The following RBFOX2 variants were observed in gnomAD, a reference collection of about 807,000 sequenced individuals.
RBFOX2 encodes RNA binding fox-1 homolog 2.
RBFOX2 carries 10 observed loss-of-function variants against 49.1 expected under a neutral mutation model. The ratio of observed to expected loss-of-function variants is 0.20; its 90% CI spans 0.13 to 0.35. The LOEUF is 0.35. Ranked by LOEUF, RBFOX2 falls within the 10% of genes least tolerant of loss-of-function variation. The probability of loss-of-function intolerance (pLI) is 1.00; values close to 1 mark genes in which losing one functional copy is unlikely to be tolerated. For missense variants in RBFOX2, 323 were observed against 486.9 expected (o/e 0.66, Z 3.17); for synonymous variants, 183 against 187.4 (o/e 0.98, Z 0.19).
upstream of RBFOX2, chr22:35,939,181 C>A (rs747311961): frequency 3.4e-6 from 2 of 588,684 alleles, no homozygotes; most frequent in Non-Finnish European, 6.4e-6. Context: ...GGTGCTACTG[C>A]GACTGGGGTC....
chr22:35,761,327 A>G, intron 7 of RBFOX2, 33 bp from the exon 9 acceptor site: 1 of 1,613,610 alleles, frequency 6.2e-7, no homozygotes, highest in Non-Finnish European at 8.5e-7. Flanking sequence ...TAAAAATGCA[A>G]GAAGATTAAA....
intron 1 of RBFOX2, chr22:35,840,094 A>G: frequency 1.4e-6 from 2 of 1,477,636 alleles, no homozygotes; most frequent in South Asian, 2.3e-5. Context: ...TAAGAAGACA[A>G]TAATGATTAA....
intron 2 of RBFOX2, among the ~76,000 whole-genome samples, chr22:35,802,305 A>G (rs540810096): frequency 3.9e-5 from 6 of 152,208 alleles, no homozygotes; most frequent in Non-Finnish European, 8.8e-5. Flanking sequence ...ATGCCATGCA[A>G]TGATTCAGGG....
intron 2 of RBFOX2, among the ~76,000 whole-genome samples, chr22:35,803,099 C>T (rs1950067767): frequency 6.6e-6 from 1 of 151,836 alleles, no homozygotes; most frequent in Non-Finnish European, 1.5e-5. Context: ...TGGCCGTATA[C>T]TGTGTGGGAG....
At chr22:35,898,175 C>A (rs2048106286) in intron 1 of RBFOX2, 2 of 748,446 alleles carry the variant, frequency 2.7e-6, no homozygotes, top group Non-Finnish European at 2.5e-6. Flanking sequence ...ACCTGTGACC[C>A]CACGCGTCCA....
At chr22:35,931,442 G>A (rs2052398507) in intron 1 of RBFOX2, among the ~76,000 whole-genome samples, 1 of 152,106 alleles carries the variant, frequency 6.6e-6, no homozygotes, top group Admixed American at 6.6e-5. Flanking sequence ...GAGCTTGGGT[G>A]GAGAGATGGA....
At chr22:35,932,964 C>CTT (rs2052602910) in intron 1 of RBFOX2, among the ~76,000 whole-genome samples, 1 of 152,130 alleles carries the variant, frequency 6.6e-6, no homozygotes, top group South Asian at 2.1e-4. Context: ...AGATAGAAAA[C>CTT]TTGACAGAAA....
chr22:36,004,542 C>T (rs949322030), intron 1 of RBFOX2, among the ~76,000 whole-genome samples: 2 of 152,058 alleles, frequency 1.3e-5, no homozygotes, highest in African/African-American at 4.8e-5. Flanking sequence ...ACGCCTATAA[C>T]CCCAGCACTT....
intron 1 of RBFOX2, among the ~76,000 whole-genome samples, chr22:35,878,883 A>G (rs1425292686): frequency 1.3e-5 from 2 of 152,072 alleles, no homozygotes; most frequent in African/African-American, 2.4e-5. Context: ...GGCGCCCGCC[A>G]CCACACCCGG....
intron 2 of RBFOX2, among the ~76,000 whole-genome samples, chr22:35,784,685 C>T (rs550988965): frequency 7.2e-5 from 11 of 152,360 alleles, no homozygotes; most frequent in Non-Finnish European, 1.5e-4. Context: ...TTAGAAGCCG[C>T]GGACCAAGTC....
chr22:35,756,356 G>C (rs551929021), intron 9 of RBFOX2, among the ~76,000 whole-genome samples: 2 of 152,210 alleles, frequency 1.3e-5, no homozygotes, highest in East Asian at 3.9e-4. Context: ...GAGAGGGAAA[G>C]GTGTGCAAAA....
At chr22:35,926,136 TAA>T (rs2051608588) in intron 1 of RBFOX2, among the ~76,000 whole-genome samples, 1 of 152,240 alleles carries the variant, frequency 6.6e-6, no homozygotes. Context: ...GGTTTCATTC[TAA>T]ATCATCTGCC....
intron 2 of RBFOX2, among the ~76,000 whole-genome samples, chr22:35,791,968 C>T (rs1050998319): frequency 2.0e-5 from 3 of 152,176 alleles, no homozygotes; most frequent in African/African-American, 7.2e-5. Context: ...TTTCTATTAA[C>T]TGCTCAAAGT....
intron 1 of RBFOX2, among the ~76,000 whole-genome samples, chr22:35,887,094 TACA>T (rs2046671164): frequency 6.6e-6 from 1 of 152,248 alleles, no homozygotes; most frequent in Non-Finnish European, 1.5e-5. Flanking sequence ...TTATATATTT[TACA>T]ACAACAAAAT....
intron 1 of RBFOX2, among the ~76,000 whole-genome samples, chr22:35,967,326 G>A (rs1375267397): frequency 6.6e-6 from 1 of 151,354 alleles, no homozygotes; most frequent in African/African-American, 2.4e-5. Flanking sequence ...TAGCACTTCA[G>A]GAGGCTGTGC....
At chr22:35,959,903 G>A (rs896555109) in intron 1 of RBFOX2, among the ~76,000 whole-genome samples, 4 of 152,122 alleles carry the variant, frequency 2.6e-5, no homozygotes, top group Admixed American at 2.0e-4. Flanking sequence ...TATAACCTAT[G>A]TATATCCTCC....
At chr22:35,954,078 T>G (rs906049551) in intron 1 of RBFOX2, among the ~76,000 whole-genome samples, 3 of 152,092 alleles carry the variant, frequency 2.0e-5, no homozygotes, top group Non-Finnish European at 4.4e-5. Context: ...AATATATATG[T>G]TTTTTTATGT....
At chr22:35,973,572 G>A (rs1280724675) in intron 1 of RBFOX2, among the ~76,000 whole-genome samples, 1 of 152,188 alleles carries the variant, frequency 6.6e-6, no homozygotes, top group Non-Finnish European at 1.5e-5. Context: ...GATTAGAACT[G>A]TCTGTTGTCA....
rs113344134 is a variant in RBFOX2, at chr22:35,812,872, T to C, written c.28-2868A>G. Among the ~76,000 whole-genome samples, 356 of 152,322 alleles carry C rather than the reference T, an allele frequency of 2.3e-3. 1 individual carries two copies. The highest frequency in any genetic ancestry group is 7.9e-3 in the African/African-American group (329 of 41,566). On this transcript the variant is annotated intron_variant, in intron 1 of 11. Coordinates refer to ENST00000405409, the Ensembl canonical transcript of RBFOX2. ...GCACACAAGTACACAGTATGAATTC[T>C]CTCACAGCGTTATTCTCAACAGGGC... is the stretch of plus-strand genomic sequence containing the variant.
Sources: gnomAD v4.1 joint callset for allele counts (sites outside exome capture counted in the v4.1 genomes callset) on GRCh38, gnomAD v4.1.1 for gene constraint, MANE v1.5 for transcripts, NCBI Gene and HGNC (gene_info 2026-07-23, HGNC 2026-07-21) for gene names.